The following ANKRD11 variants were observed in gnomAD, a reference collection of about 807,000 sequenced individuals.
ANKRD11 encodes ankyrin repeat domain 11, also known as ankyrin repeat domain-containing protein 11.
A neutral mutation model predicts 195.7 loss-of-function variants in ANKRD11; 17 were observed. The ratio of observed to expected loss-of-function variants is 0.09; its 90% CI spans 0.06 to 0.13. The LOEUF (loss-of-function observed/expected upper bound fraction) is 0.13. ANKRD11 is among the 10% of genes least tolerant of loss of function. The pLI is 1.00. For synonymous variants in ANKRD11, 1,953 were observed against 1,528.1 expected, an observed-to-expected ratio of 1.28 and a Z score of -6.49; for missense variants, 3,735 against 3,566.1, an observed-to-expected ratio of 1.05 and a Z score of -1.21.
chr16:89,402,215 G>T (rs2041722028), intron 2 of ANKRD11, among the ~76,000 whole-genome samples: 1 of 152,162 alleles, frequency 6.6e-6, no homozygotes, highest in Non-Finnish European at 1.5e-5. Flanking sequence ...TTCCAACAAA[G>T]GCAGGCGAAA....
chr16:89,428,699 G>T (rs1213588779), intron 1 of ANKRD11, among the ~76,000 whole-genome samples: 2 of 151,390 alleles, frequency 1.3e-5, no homozygotes, highest in East Asian at 2.0e-4. Flanking sequence ...TTCGAGACCA[G>T]CCTGGCCAAC....
chr16:89,395,231 A>T (rs750863524), intron 2 of ANKRD11, among the ~76,000 whole-genome samples: 23 of 152,228 alleles, frequency 1.5e-4, no homozygotes, highest in Non-Finnish European at 2.9e-4. Context: ...AGAATTATGC[A>T]AGCCAAGTAA....
intron 2 of ANKRD11, among the ~76,000 whole-genome samples, chr16:89,342,364 G>A (rs566044642): frequency 2.6e-5 from 4 of 152,338 alleles, no homozygotes; most frequent in African/African-American, 9.6e-5. Flanking sequence ...GTCGGAAAAC[G>A]TTGAACTCCC....
chr16:89,429,083 C>T (rs1036756696), intron 1 of ANKRD11, among the ~76,000 whole-genome samples: 2 of 151,606 alleles, frequency 1.3e-5, no homozygotes, highest in African/African-American at 2.4e-5. Flanking sequence ...GTCCCTGCAG[C>T]GTGGGATTCT....
intron 2 of ANKRD11, among the ~76,000 whole-genome samples, chr16:89,368,561 A>G (rs1375228158): frequency 6.7e-6 from 1 of 149,942 alleles, no homozygotes; most frequent in African/African-American, 2.5e-5. Context: ...CTCTCAATTT[A>G]ATTTCTTGCT....
intron 3 of ANKRD11, chr16:89,313,272 G>A (rs2036719080): frequency 6.3e-6 from 8 of 1,273,964 alleles, no homozygotes; most frequent in Middle Eastern, 3.3e-4. Context: ...GACGACAGGG[G>A]ACCCATGGGG....
chr16:89,281,415 C>T lies in ANKRD11; in HGVS notation c.5127G>A (p.Val1709=), dbSNP rs771612732. 5.0e-6 allele frequency: 8 copies of T among 1,611,016 alleles called. No individual in the cohort carries two copies. In the East Asian group the frequency reaches 1.8e-4, roughly 36 times the overall value. ...RPTGVPTPTS[V]LSCPSYEEVM... ...CCTCCTCGTAGCTGGGGCAGGATAG[C>T]ACCGACGTAGGGGTGGGCACGCCAG... The change falls in exon 9 of 13, where the codon GTG becomes GTA. Residue 1709 remains valine (V), a synonymous_variant. Coordinates refer to ENST00000301030, the MANE Select transcript of ANKRD11 (RefSeq NM_013275.6). This position sits in a 1 kb window ranked among gnomAD's most constrained non-coding sequence, Gnocchi z 5.5.
chr16:89,441,716 A>G (rs568392253), intron 1 of ANKRD11, among the ~76,000 whole-genome samples: 62 of 139,042 alleles, frequency 4.5e-4, no homozygotes, highest in Admixed American at 2.2e-3. Flanking sequence ...GCAGTGAGCC[A>G]AGATCGTGCC....
chr16:89,305,281 C>T lies in ANKRD11; in HGVS notation c.151G>A (p.Val51Met), dbSNP rs760057373. Residue 51 changes from valine (V) to methionine (M), a missense_variant, in exon 4 of 13, where the codon GTG (valine) becomes ATG (methionine). By Grantham distance (21) the Val-to-Met change is conservative (BLOSUM62 1). Transcript: ENST00000301030. ...KLERGDGGKE[V>M]RERASKRKLP... ...TTCCGCTTGCTGGCTCGCTCCCTCA[C>T]CTCCTTCCCGCCATCGCCACGCTCC... 1.2e-6 allele frequency: 2 copies of T among 1,613,864 alleles called. No homozygotes were observed. Among genetic ancestry groups the T allele is most frequent in the Non-Finnish European group, 1.7e-6 (2 of 1,179,912 alleles).
intron 4 of ANKRD11, among the ~76,000 whole-genome samples, chr16:89,294,074 G>A (rs1046492570): frequency 6.6e-6 from 1 of 152,114 alleles, no homozygotes; most frequent in African/African-American, 2.4e-5. Context: ...AGACTTCCTG[G>A]GTGGGCTCCA....
chr16:89,334,687 C>T (rs1349899348), intron 2 of ANKRD11, among the ~76,000 whole-genome samples: 1 of 152,138 alleles, frequency 6.6e-6, no homozygotes, highest in Non-Finnish European at 1.5e-5. Context: ...GGAGCAACAT[C>T]CCAGGCACAC....
At chr16:89,423,434 C>T (rs1425468779) in intron 1 of ANKRD11, among the ~76,000 whole-genome samples, 1 of 152,244 alleles carries the variant, frequency 6.6e-6, no homozygotes, top group African/African-American at 2.4e-5. Flanking sequence ...CAGTGCATTC[C>T]TTTCATGAGT....
intron 12 of ANKRD11, among the ~76,000 whole-genome samples, chr16:89,269,350 C>T (rs761816982): frequency 2.6e-5 from 4 of 152,096 alleles, no homozygotes; most frequent in Non-Finnish European, 2.9e-5. Context: ...GCGATGTTGG[C>T]GAGCTGCAGT....
chr16:89,282,835 T>C lies in ANKRD11; in HGVS notation c.3707A>G (p.Gln1236Arg). The C allele has an allele frequency of 6.2e-7, 1 of 1,611,746 alleles. No individual in the cohort carries two copies. Among genetic ancestry groups the C allele is most frequent in the Non-Finnish European group, 8.5e-7 (1 of 1,180,018 alleles). ...VDSTQDKKNK[Q>R]KLPEKAEKKH... Reference sequence around the variant, plus strand: ...CTTTTCAGCCTTCTCGGGGAGCTTCTGTTTATTTTTCTTATCTTGCGTGGA... The same window carrying C: ...CTTTTCAGCCTTCTCGGGGAGCTTCCGTTTATTTTTCTTATCTTGCGTGGA... The change falls in exon 9 of 13, where the codon CAG (glutamine) becomes CGG (arginine). Residue 1236 changes from glutamine (Q) to arginine (R), a missense_variant. Transcript: ENST00000301030.
chr16:89,274,297 ACCCTGAGTCCGG>A (rs1477992312), intron 11 of ANKRD11, among the ~76,000 whole-genome samples: 6 of 152,116 alleles, frequency 3.9e-5, no homozygotes, highest in African/African-American at 1.4e-4. Flanking sequence ...TAGTTCTGGA[ACCCTGAGTCCGG>A]CCCGCCCTGG....
intron 1 of ANKRD11, among the ~76,000 whole-genome samples, chr16:89,435,135 C>G (rs976981144): frequency 6.6e-6 from 1 of 152,128 alleles, no homozygotes; most frequent in Non-Finnish European, 1.5e-5. Context: ...CATCAATCAG[C>G]GCTGTCTAGC....
Position 89,490,509 on chromosome 16 carries a change from G to A in ANKRD11, c.-409C>T. On this transcript the variant is annotated 5_prime_UTR_variant, in exon 1 of 13. Coordinates refer to ENST00000301030, the MANE Select transcript of ANKRD11 (RefSeq NM_013275.6). ...GTCTGGCCGCGGGCTCGGCGGCGGC[G>A]CCTCCCCGGCTGGGGCCCTCGGTCC... 1 of 468,588 alleles carries A rather than the reference G, an allele frequency of 2.1e-6. No individual in the cohort carries two copies. The highest frequency in any genetic ancestry group is 3.8e-6 in the Non-Finnish European group (1 of 260,732). The allele number at this position is 468,588 out of a possible 1,614,324, so 29.0% of individuals were successfully genotyped here. A position where few individuals can be genotyped will look rare whatever the true frequency, so the allele number is the denominator to read the frequency against.
intron 3 of ANKRD11, chr16:89,313,551 A>G (rs757291309): frequency 7.8e-7 from 1 of 1,289,160 alleles, no homozygotes. Flanking sequence ...TCCATCTTCC[A>G]CGTATATGTC....
rs372581629 is a variant in ANKRD11 at position 89,282,788 on chromosome 16, C to A, written c.3754G>T (p.Ala1252Ser). The A allele has an allele frequency of 5.6e-6, 9 of 1,612,004 alleles. No homozygotes were observed. In the African/African-American group the frequency reaches 8.0e-5, roughly 14 times the overall value. The change falls in exon 9 of 13, where the codon GCT (alanine) becomes TCT (serine). Residue 1252 changes from alanine to serine, a missense_variant. Transcript: ENST00000301030. Reference sequence around the variant, plus strand: ...GACTTCTCTTTGTGTTTGCTTTTAGCCTTGTCTTCGGCAGCGTGCTTCTTT... The same window carrying A: ...GACTTCTCTTTGTGTTTGCTTTTAGACTTGTCTTCGGCAGCGTGCTTCTTT... ...AEKKHAAEDK[A>S]KSKHKEKSDK...
Sources: gnomAD v4.1 joint callset for allele counts (sites outside exome capture counted in the v4.1 genomes callset) on GRCh38, gnomAD v4.1.1 for gene constraint, Gnocchi (gnomAD v3.1) non-coding constraint, MANE v1.5 for transcripts, NCBI Gene and HGNC (gene_info 2026-07-23, HGNC 2026-07-21) for gene names.